AFF1: variants seen among roughly 807,000 people sequenced by gnomAD.
AFF1 encodes AF4/FMR2 family member 1.
In AFF1, 48 loss-of-function variants were observed where a neutral mutation model predicts 121.7. The observed-to-expected ratio is 0.39, with a 90% CI of 0.31 to 0.50. The LOEUF (loss-of-function observed/expected upper bound fraction) is 0.50. Among genes scored for constraint, AFF1 ranks in the 20% least tolerant of loss-of-function variants. The pLI is 0.76. For synonymous variants in AFF1, 613 were observed against 563.0 expected, an observed-to-expected ratio of 1.09 and a Z score of -1.26; for missense variants, 1,523 against 1,511.7, an observed-to-expected ratio of 1.01 and a Z score of -0.12.
At chr4:87,097,816 G>A (rs1041050538) in intron 8 of AFF1, among the ~76,000 whole-genome samples, 2 of 152,180 alleles carry the variant, frequency 1.3e-5, no homozygotes, top group African/African-American at 2.4e-5. Context: ...TTTTAATGGA[G>A]ATTAGAAGAA....
At chr4:86,980,957 T>C (rs5860047) in intron 2 of AFF1, among the ~76,000 whole-genome samples, 88,627 of 120,428 alleles carry the variant, frequency 0.74, 31,722 homozygotes, top group Non-Finnish European at 0.77. Flanking sequence ...ACCCCCCCCC[T>C]CCACCAAAAA....
chr4:87,104,163 T>G (rs919575046), intron 8 of AFF1, among the ~76,000 whole-genome samples: 2 of 152,108 alleles, frequency 1.3e-5, no homozygotes, highest in African/African-American at 2.4e-5. Context: ...CCCCAGCAGT[T>G]TAGGAGGCTG....
chr4:87,070,938 G>A (rs544441751), intron 4 of AFF1, among the ~76,000 whole-genome samples: 9 of 152,326 alleles, frequency 5.9e-5, no homozygotes, highest in East Asian at 1.9e-4. Flanking sequence ...ATTGTTTAAG[G>A]TTAGCTATAG....
chr4:87,046,691 T>A lies in AFF1; in HGVS notation c.160-4T>A. The A allele has an allele frequency of 6.3e-7, 1 of 1,581,332 alleles. No homozygotes were observed. The highest frequency in any genetic ancestry group is 1.2e-5 in the South Asian group (1 of 85,670). ...TTCATTCTCAAATTCTCCTTTTTTT[T>A]CAGACAGCAAAAGGTGATGAGCTGT... On this transcript the variant is annotated splice_polypyrimidine_tract_variant and splice_region_variant and intron_variant, in intron 3 of 20. Coordinates refer to ENST00000395146, the MANE Select transcript of AFF1 (RefSeq NM_001166693.3).
chr4:87,090,418 C>A (rs764907331), intron 6 of AFF1, among the ~76,000 whole-genome samples: 1 of 152,200 alleles, frequency 6.6e-6, no homozygotes, highest in South Asian at 2.1e-4. Flanking sequence ...ATACATCTTA[C>A]ATATCTCACA....
At chr4:87,097,740 GT>G in intron 8 of AFF1, among the ~76,000 whole-genome samples, 1 of 152,260 alleles carries the variant, frequency 6.6e-6, no homozygotes, top group South Asian at 2.1e-4. Context: ...GGTAGACGTG[GT>G]GGTATTGATA....
At position 87,006,842 on chromosome 4, in the gene AFF1, C is replaced by G. The variant is rs561076387; in HGVS notation, c.39-39324C>G. 5.7e-6 allele frequency: 3 copies of G among 523,368 alleles called. No homozygotes were observed. In the African/African-American group the frequency reaches 6.2e-5, roughly 11 times the overall value. The allele number at this position is 523,368 out of a possible 1,614,324, so 32.4% of individuals were successfully genotyped here. ...GCTTGTCGGCGCCCAGGCTCTGCCC[C>G]CTACCCGACCCTGCCTGCCGCTTGC... On this transcript the variant is annotated intron_variant, in intron 2 of 20. Transcript: ENST00000395146.
At chr4:87,040,996 C>T (rs549483472) in intron 2 of AFF1, among the ~76,000 whole-genome samples, 1 of 151,324 alleles carries the variant, frequency 6.6e-6, no homozygotes, top group Admixed American at 6.6e-5. Context: ...CTGCCTCAGC[C>T]TCCTGAGTAG....
intron 2 of AFF1, among the ~76,000 whole-genome samples, chr4:87,014,126 T>TA (rs57230540): frequency 0.062 from 9,271 of 150,702 alleles, 327 homozygotes; most frequent in African/African-American, 0.098. Context: ...GCGTCTGTGT[T>TA]AAAAAAAAAA....
chr4:87,050,818 C>T (rs761806225), intron 4 of AFF1, among the ~76,000 whole-genome samples: 15 of 152,204 alleles, frequency 9.9e-5, no homozygotes, highest in Non-Finnish European at 1.9e-4. Context: ...TGCAGAGTTG[C>T]CACATCAGAG....
chr4:87,107,445 T>C (rs1465069796), intron 10 of AFF1, among the ~76,000 whole-genome samples: 1 of 152,222 alleles, frequency 6.6e-6, no homozygotes, highest in African/African-American at 2.4e-5. Flanking sequence ...CTACTTTGTC[T>C]GACATTTGGG....
intron 5 of AFF1, among the ~76,000 whole-genome samples, chr4:87,088,756 G>A (rs779333424): frequency 3.5e-5 from 5 of 143,776 alleles, no homozygotes; most frequent in Non-Finnish European, 6.0e-5. Context: ...CACCATGCCC[G>A]GCTCATTTTT....
At chr4:86,989,756 G>A (rs1289212398) in intron 2 of AFF1, among the ~76,000 whole-genome samples, 1 of 152,168 alleles carries the variant, frequency 6.6e-6, no homozygotes, top group African/African-American at 2.4e-5. Flanking sequence ...ATTCACAATA[G>A]CAAAGACTTG....
rs917327185 is a variant in AFF1 at position 87,048,432 on chromosome 4, A to T, written c.1059+838A>T. On this transcript the variant is annotated intron_variant, in intron 4 of 20. Transcript: ENST00000395146. ...TCACTGAAATTTTAAAGTGGTACCA[A>T]TTTCTCCAAAATTAAGATTAGTAGT... Among the ~76,000 whole-genome samples the T allele has an allele frequency of 3.3e-5, 5 of 152,210 alleles. No homozygotes were observed. In the East Asian group the frequency reaches 7.7e-4, roughly 23 times the overall value.
intron 4 of AFF1, among the ~76,000 whole-genome samples, chr4:87,064,288 A>C (rs939659084): frequency 6.6e-6 from 1 of 152,248 alleles, no homozygotes; most frequent in Non-Finnish European, 1.5e-5. Context: ...ACATATTTTC[A>C]TGGAATCTCT....
At chr4:87,046,367 G>A in intron 3 of AFF1, 81 bp downstream of exon 3, 1 of 1,506,952 alleles carries the variant, frequency 6.6e-7, no homozygotes, top group Non-Finnish European at 9.0e-7. Flanking sequence ...GTATAATTGA[G>A]TTCGAACAAG....
Position 87,090,003 on chromosome 4 carries a change from C to T in AFF1, c.1124C>T (p.Pro375Leu), listed in dbSNP as rs761936245. 7.4e-6 allele frequency: 12 copies of T among 1,613,848 alleles called. No individual in the cohort carries two copies. The highest frequency in any genetic ancestry group is 1.3e-5 in the African/African-American group (1 of 75,008). ...TTCCAGGAAATGACCCATTCATGGC[C>T]GCCTCCTTTGACAGCAATACATACG... Reference protein sequence around the residue: ...EILKEMTHSWPPPLTAIHTPS... With the variant: ...EILKEMTHSWLPPLTAIHTPS... Residue 375 changes from proline (P) to leucine (L), a missense_variant, in exon 6 of 21, where the codon CCG becomes CTG. Transcript: ENST00000395146.
chr4:87,075,141 T>C (rs972164436), intron 4 of AFF1, among the ~76,000 whole-genome samples: 1 of 152,204 alleles, frequency 6.6e-6, no homozygotes, highest in African/African-American at 2.4e-5. Context: ...GTTTTCTAAT[T>C]ATTCATATTA....
At chr4:87,042,573 T>TAAAAG (rs1362420181) in intron 2 of AFF1, among the ~76,000 whole-genome samples, 1 of 152,210 alleles carries the variant, frequency 6.6e-6, no homozygotes, top group Non-Finnish European at 1.5e-5. Flanking sequence ...TTTTTTCACC[T>TAAAAG]CACTACTTAT....
Sources: allele counts gnomAD v4.1 joint callset (sites outside exome capture counted in the v4.1 genomes callset), GRCh38; gene constraint gnomAD v4.1.1; transcripts MANE v1.5; gene names NCBI Gene and HGNC (gene_info 2026-07-23, HGNC 2026-07-21).